Variants in FHIT observed in about 807,000 individuals in gnomAD.
FHIT encodes fragile histidine triad diadenosine triphosphatase.
A neutral mutation model predicts 17.9 loss-of-function variants in FHIT; 19 were observed. The ratio of observed to expected loss-of-function variants is 1.06; its 90% CI spans 0.74 to 1.56. The LOEUF (loss-of-function observed/expected upper bound fraction) is 1.56, where lower values mean the gene tolerates loss of function less well. Among genes scored for constraint, FHIT ranks in the 40% most tolerant of loss-of-function variants. FHIT has a pLI of 0.00. For missense variants in FHIT, 248 were observed against 189.2 expected (o/e 1.31, Z -1.82); for synonymous variants, 81 against 69.7 (o/e 1.16, Z -0.81).
At chr3:60,744,258 C>CAAAAAAAAAAAAAAAAAAA (rs371224955) in intron 4 of FHIT, among the ~76,000 whole-genome samples, 2 of 95,636 alleles carry the variant, frequency 2.1e-5, no homozygotes, top group Non-Finnish European at 4.1e-5. Context: ...AAAAAAAAAA[C>CAAAAAAAAAAAAAAAAAAA]AAAACAAAAC....
At chr3:60,265,889 C>A (rs1403577434) in intron 5 of FHIT, among the ~76,000 whole-genome samples, 1 of 151,612 alleles carries the variant, frequency 6.6e-6, no homozygotes, top group Non-Finnish European at 1.5e-5. Context: ...CATTTGGCAC[C>A]CACAAGGTCA....
intron 2 of FHIT, among the ~76,000 whole-genome samples, chr3:61,104,819 T>C (rs989339891): frequency 1.3e-5 from 2 of 152,156 alleles, no homozygotes; most frequent in African/African-American, 4.8e-5. Flanking sequence ...AAAGCCAGTC[T>C]TCAAACTCTG....
chr3:61,167,643 A>AG (rs1302685634), intron 2 of FHIT, among the ~76,000 whole-genome samples: 3 of 151,074 alleles, frequency 2.0e-5, no homozygotes, highest in Non-Finnish European at 4.4e-5. Context: ...AAAAAAAAAA[A>AG]AAAGAAAGAA....
chr3:60,981,811 C>T (rs980865799), intron 3 of FHIT, among the ~76,000 whole-genome samples: 6 of 151,794 alleles, frequency 4.0e-5, no homozygotes, highest in Non-Finnish European at 7.4e-5. Flanking sequence ...CCATGTTACC[C>T]AGGCTGGTCT....
intron 4 of FHIT, among the ~76,000 whole-genome samples, chr3:60,616,449 C>A (rs1332907092): frequency 6.6e-6 from 1 of 152,124 alleles, no homozygotes; most frequent in Non-Finnish European, 1.5e-5. Context: ...TTTAATTATA[C>A]AAGTAATACA....
At chr3:60,154,968 G>A (rs7623184) in intron 5 of FHIT, among the ~76,000 whole-genome samples, 107,870 of 151,896 alleles carry the variant, frequency 0.71, 40,074 homozygotes, top group Non-Finnish European at 0.83. Flanking sequence ...GGGAGGCCAA[G>A]GTGAGAGGAT....
intron 5 of FHIT, among the ~76,000 whole-genome samples, chr3:60,107,986 G>T (rs1179640310): frequency 6.6e-6 from 1 of 152,186 alleles, no homozygotes; most frequent in African/African-American, 2.4e-5. Flanking sequence ...TGGGGTTGCT[G>T]TGAAAGGACA....
intron 5 of FHIT, among the ~76,000 whole-genome samples, chr3:60,467,944 A>G (rs191115665): frequency 7.9e-5 from 12 of 152,064 alleles, no homozygotes; most frequent in African/African-American, 2.9e-4. Context: ...CTTATCTAAT[A>G]ATAACTTTAC....
At chr3:59,966,221 C>T (rs1453832000) in intron 7 of FHIT, among the ~76,000 whole-genome samples, 1 of 152,106 alleles carries the variant, frequency 6.6e-6, no homozygotes, top group East Asian at 1.9e-4. Context: ...TAGAAGCTGG[C>T]ACCCAAGAGA....
intron 8 of FHIT, among the ~76,000 whole-genome samples, chr3:59,904,682 A>G (rs922763537): frequency 1.3e-5 from 2 of 152,288 alleles, no homozygotes; most frequent in Admixed American, 6.5e-5. Context: ...ACCATGCCCA[A>G]GAAGAATGAG....
intron 8 of FHIT, among the ~76,000 whole-genome samples, chr3:59,778,144 A>C (rs1481028337): frequency 6.6e-6 from 1 of 152,182 alleles, no homozygotes; most frequent in African/African-American, 2.4e-5. Flanking sequence ...CAGTGCCTGG[A>C]ACTTTATCAG....
chr3:60,671,105 C>T (rs1268214673), intron 4 of FHIT, among the ~76,000 whole-genome samples: 2 of 151,618 alleles, frequency 1.3e-5, no homozygotes, highest in Non-Finnish European at 2.9e-5. Context: ...TGGGTACACT[C>T]ACTCAGTGTC....
At chr3:60,857,845 C>G (rs1195603105) in intron 3 of FHIT, among the ~76,000 whole-genome samples, 1 of 152,172 alleles carries the variant, frequency 6.6e-6, no homozygotes, top group Non-Finnish European at 1.5e-5. Context: ...GGAGGATCAA[C>G]TGAGCCCAGG....
At chr3:60,069,515 G>A (rs188514305) in intron 5 of FHIT, among the ~76,000 whole-genome samples, 2 of 152,272 alleles carry the variant, frequency 1.3e-5, no homozygotes, top group African/African-American at 4.8e-5. Flanking sequence ...CAAAGAGACA[G>A]GTAAGGCCCC....
chr3:60,174,218 A>G (rs1361582445), intron 5 of FHIT, among the ~76,000 whole-genome samples: 1 of 151,596 alleles, frequency 6.6e-6, no homozygotes, highest in Non-Finnish European at 1.5e-5. Flanking sequence ...CCTGTTTCTA[A>G]TATTTTTAAG....
chr3:60,238,447 C>CAAAAAAAAA (rs374701930), intron 5 of FHIT, among the ~76,000 whole-genome samples: 2 of 117,518 alleles, frequency 1.7e-5, no homozygotes, highest in Non-Finnish European at 3.4e-5. Flanking sequence ...CTGTACTAAG[C>CAAAAAAAAA]AAAAAAAAAA....
intron 5 of FHIT, chr3:60,077,257 T>C (rs1233342142): frequency 6.6e-6 from 1 of 151,904 alleles, no homozygotes; most frequent in Non-Finnish European, 1.5e-5. Context: ...GATATGGAAA[T>C]ATATATATAG....
At chr3:60,870,257 A>T in intron 3 of FHIT, among the ~76,000 whole-genome samples, 1 of 7,484 alleles carries the variant, frequency 1.3e-4, no homozygotes, top group East Asian at 0.02. Flanking sequence ...ATTTAAACAC[A>T]CAAAGAAAAA....
chr3:60,708,764 C>G (rs1056454215), intron 4 of FHIT, among the ~76,000 whole-genome samples: 2 of 152,132 alleles, frequency 1.3e-5, no homozygotes, highest in Non-Finnish European at 1.5e-5. Context: ...GAACAGTATT[C>G]CCCAAAGCTT....
Sources: gnomAD v4.1 joint callset for allele counts (sites outside exome capture counted in the v4.1 genomes callset) on GRCh38, gnomAD v4.1.1 for gene constraint, MANE v1.5 for transcripts, NCBI Gene and HGNC (gene_info 2026-07-23, HGNC 2026-07-21) for gene names.